The following DMRTA1 variants were observed in gnomAD, a reference collection of about 807,000 sequenced individuals.
DMRTA1 encodes the protein DMRT like family A1, also known as doublesex- and mab-3-related transcription factor A1.
Under a neutral mutation model 35.2 loss-of-function variants are expected in DMRTA1, and 34 were observed. That is an observed-to-expected ratio of 0.97 (90% CI 0.74 to 1.29). The LOEUF is 1.29. Ranked by LOEUF, DMRTA1 falls within the 50% of genes most tolerant of loss-of-function variation. DMRTA1 has a pLI of 0.00. For missense variants in DMRTA1, 824 were observed against 644.6 expected (o/e 1.28, Z -3.01); for synonymous variants, 344 against 276.6 (o/e 1.24, Z -2.42).
intron 1 of DMRTA1, among the ~76,000 whole-genome samples, chr9:22,448,226 C>A (rs1019271735): frequency 2.0e-5 from 3 of 152,160 alleles, no homozygotes. Flanking sequence ...CCTCCCTGCT[C>A]TGGACTGTTT....
chr9:22,447,663 A>C lies in DMRTA1; in HGVS notation c.598A>C (p.Arg200=). Residue 200 remains arginine (R), a synonymous_variant, in exon 1 of 2, where the codon AGA becomes CGA. Coordinates refer to ENST00000325870, the MANE Select transcript of DMRTA1 (RefSeq NM_022160.3). ...AGAALGLGAL[R]QASGSATPAF... ...GGCTGCGCTGGGACTGGGTGCCTTG[A>C]GACAGGCCAGTGGTTCCGCGACCCC... The C allele has an allele frequency of 2.5e-6, 4 of 1,612,324 alleles. No homozygotes were observed. Among genetic ancestry groups the C allele is most frequent in the Admixed American group, 3.3e-5 (2 of 59,996 alleles).
chr9:22,451,125 C>T lies in DMRTA1; in HGVS notation c.729C>T (p.Ser243=). The T allele has an allele frequency of 6.2e-7, 1 of 1,613,908 alleles. No homozygotes were observed. Among genetic ancestry groups the T allele is most frequent in the Non-Finnish European group, 8.5e-7 (1 of 1,179,920 alleles). ...QNGQEELISK[S]HQLYLGSSSR... is the part of the protein sequence containing the mutation. ...GACAAGAAGAACTGATCTCCAAATC[C>T]CATCAGCTTTACCTAGGATCATCTT... Residue 243 remains serine (S), a synonymous_variant, in exon 2 of 2, where the codon TCC becomes TCT. Coordinates refer to ENST00000325870, the MANE Select transcript of DMRTA1 (RefSeq NM_022160.3).
In DMRTA1 at chr9:22,449,114, T is replaced by TC. The variant is rs540994944; in HGVS notation, c.667+1387dup. Reference sequence around the variant, plus strand: ...GTTCTTTGCCTCAGATGATGCCCCCTCCCCCATAAGAAGCAAGCTAATGTT... The same window carrying TC: ...GTTCTTTGCCTCAGATGATGCCCCCTCCCCCCATAAGAAGCAAGCTAATGTT... On this transcript the variant is annotated intron_variant, in intron 1 of 1. Coordinates refer to ENST00000325870, the MANE Select transcript of DMRTA1 (RefSeq NM_022160.3). Among the ~76,000 whole-genome samples the TC allele has an allele frequency of 1.9e-3, 292 of 152,228 alleles. 2 individuals carry two copies. The highest frequency in any genetic ancestry group is 2.7e-3 in the Non-Finnish European group (184 of 68,000).
In DMRTA1 at chr9:22,451,535, A is replaced by G; in HGVS notation, c.1139A>G (p.Glu380Gly). 3 of 1,614,172 alleles carry G rather than the reference A, an allele frequency of 1.9e-6. No homozygotes were observed. Among genetic ancestry groups the G allele is most frequent in the Non-Finnish European group, 2.5e-6 (3 of 1,179,984 alleles). Residue 380 changes from glutamate to glycine, a missense_variant, in exon 2 of 2, where the codon GAA (glutamate) becomes GGA (glycine). Glu to Gly is a moderately conservative substitution (Grantham distance 98, BLOSUM62 -2). Transcript: ENST00000325870. ...GACAACAGGAACCTAGCAAACTCAGAAGAACTGGAAAACACAGCCTTTCAG... is the reference window on the plus strand; with the variant it reads ...GACAACAGGAACCTAGCAAACTCAGGAGAACTGGAAAACACAGCCTTTCAG... ...KPDNRNLANS[E>G]ELENTAFQRA... is the part of the protein sequence containing the mutation.
Position 22,451,251 on chromosome 9 carries a change from A to ATCAGGAG in DMRTA1, c.856_862dup (p.Gly288ValfsTer4). On this transcript the variant is annotated frameshift_variant, in exon 2 of 2. Transcript: ENST00000325870. LOFTEE classifies it high-confidence loss of function. Reference sequence around the variant, plus strand: ...TCCTGTCTCCTCATCCTGGAGAGCAATCAGGAGGTGAAGAGAGTCCCAGGT... The same window carrying ATCAGGAG: ...TCCTGTCTCCTCATCCTGGAGAGCAATCAGGAGTCAGGAGGTGAAGAGAGTCCCAGGT... 1 of 1,614,080 alleles carries ATCAGGAG rather than the reference A, an allele frequency of 6.2e-7. No homozygotes were observed. Among genetic ancestry groups the ATCAGGAG allele is most frequent in the Non-Finnish European group, 8.5e-7 (1 of 1,179,948 alleles).
rs1015081364 is a variant in DMRTA1, at chr9:22,451,267, A to T, written c.871A>T (p.Ser291Cys). 2 of 1,614,084 alleles carry T rather than the reference A, an allele frequency of 1.2e-6. No individual in the cohort carries two copies. Among genetic ancestry groups the T allele is most frequent in the Admixed American group, 1.7e-5 (1 of 60,016 alleles). ...HPGEQSGGEE[S>C]PRSLSSSDLE... ...TGGAGAGCAATCAGGAGGTGAAGAGAGTCCCAGGTCCTTATCATCCTCTGA... is the reference window on the plus strand; with the variant it reads ...TGGAGAGCAATCAGGAGGTGAAGAGTGTCCCAGGTCCTTATCATCCTCTGA... Residue 291 changes from serine to cysteine, a missense_variant, in exon 2 of 2, where the codon AGT (serine) becomes TGT (cysteine). Ser to Cys is a moderately radical substitution (Grantham distance 112, BLOSUM62 -1). Transcript: ENST00000325870.
rs919667142 is a variant in DMRTA1 at position 22,446,965 on chromosome 9, G to A, written c.-101G>A. 28 of 1,457,044 alleles carry A rather than the reference G, an allele frequency of 1.9e-5. No homozygotes were observed. The African/African-American group carries it at 3.4e-4, about 17-fold the overall frequency. 90.3% of individuals were successfully genotyped at this position (1,457,044 alleles called of 1,614,324 possible). On this transcript the variant is annotated 5_prime_UTR_variant, in exon 1 of 2. Transcript: ENST00000325870. The stretch of plus-strand genomic sequence containing the variant: ...TCCGTGCGCGGGTGGAGCTCAGTAG[G>A]ACCACGGCGCGTCCTGCCCCGGCTT...
chr9:22,450,674 T>A (rs1563826104), intron 1 of DMRTA1, among the ~76,000 whole-genome samples: 2 of 152,154 alleles, frequency 1.3e-5, no homozygotes, highest in Non-Finnish European at 2.9e-5. Flanking sequence ...TGAAAAAATA[T>A]CACTTAGATA....
Position 22,446,998 on chromosome 9 carries a change from C to A in DMRTA1, c.-68C>A. 13 of 1,549,930 alleles carry A rather than the reference C, an allele frequency of 8.4e-6. No individual in the cohort carries two copies. The highest frequency in any genetic ancestry group is 1.1e-5 in the Non-Finnish European group (13 of 1,146,810). On this transcript the variant is annotated 5_prime_UTR_variant, in exon 1 of 2. Transcript: ENST00000325870. ...CGCGTCCTGCCCCGGCTTCCCCAGC[C>A]TCCCAGCAGGGTTAGCTGCGGTCAG...
At position 22,451,412 on chromosome 9, in the gene DMRTA1, A is replaced by C. The variant is rs751669342; in HGVS notation, c.1016A>C (p.Asn339Thr). The C allele has an allele frequency of 6.2e-7, 1 of 1,614,028 alleles. No individual in the cohort carries two copies. Among genetic ancestry groups the C allele is most frequent in the African/African-American group, 1.3e-5 (1 of 74,926 alleles). ...GATATCCTTACTAAGATTTTCCCAA[A>C]TTACAGGCGCAGCCGGCTAGAAGGC... The part of the protein sequence containing the change: ...PLDILTKIFP[N>T]YRRSRLEGIL... Residue 339 changes from asparagine (N) to threonine (T), a missense_variant, in exon 2 of 2, where the codon AAT becomes ACT. By Grantham distance (65) the Asn-to-Thr change is moderately conservative. Coordinates refer to ENST00000325870, the MANE Select transcript of DMRTA1 (RefSeq NM_022160.3).
At chr9:22,450,996 T>C in intron 1 of DMRTA1, 68 bp from the exon 2 acceptor site, 1 of 1,466,226 alleles carries the variant, frequency 6.8e-7, no homozygotes, top group South Asian at 1.3e-5. Context: ...GCATTATTTT[T>C]GAGTGAGCAG....
chr9:22,451,744 G>A lies in DMRTA1; in HGVS notation c.1348G>A (p.Gly450Ser). ...TTCTTCTGCAGGAAGAGGGTTATCT[G>A]GTTTTATGTCACCCTACCTAACACC... ...AYSSAGRGLS[G>S]FMSPYLTPGL... Residue 450 changes from glycine (G) to serine (S), a missense_variant, in exon 2 of 2, where the codon GGT (glycine) becomes AGT (serine). Gly to Ser is a moderately conservative substitution (Grantham distance 56). Transcript: ENST00000325870. 1 of 1,614,022 alleles carries A rather than the reference G, an allele frequency of 6.2e-7. No individual in the cohort carries two copies. Among genetic ancestry groups the A allele is most frequent in the Non-Finnish European group, 8.5e-7 (1 of 1,179,918 alleles).
At chr9:22,447,810 C>T in intron 1 of DMRTA1, 78 bp downstream of exon 1, 1 of 1,544,588 alleles carries the variant, frequency 6.5e-7, no homozygotes, top group Non-Finnish European at 8.9e-7. Flanking sequence ...CCACCGTGTC[C>T]ATAGGCGGGC....
Position 22,452,152 on chromosome 9 carries a change from A to G in DMRTA1, c.*241A>G, listed in dbSNP as rs564688248. ...CATTATATGTGCCTTGAATAAAGCT[A>G]TTTCAGGAAATATTTAATGAATTTT... On this transcript the variant is annotated 3_prime_UTR_variant, in exon 2 of 2. Transcript: ENST00000325870. The G allele has an allele frequency of 2.8e-4, 93 of 334,534 alleles. No individual in the cohort carries two copies. The highest frequency in any genetic ancestry group is 4.4e-4 in the Non-Finnish European group (81 of 185,714). 20.7% of individuals were successfully genotyped at this position (334,534 alleles called of 1,614,324 possible). A position where few individuals can be genotyped will look rare whatever the true frequency, so the allele number is the denominator to read the frequency against.
rs141000098 is a variant in DMRTA1, at chr9:22,455,022, C to T, written c.*3111C>T. 3.3e-5 allele frequency: 5 copies of T among 152,190 alleles called. No individual in the cohort carries two copies. The East Asian group carries it at 9.7e-4, about 29-fold the overall frequency. The allele number at this position is 152,190 out of a possible 1,614,324, so 9.4% of individuals were successfully genotyped here. Reference sequence around the variant, plus strand: ...TTCTAAGGCCATGAAAATTAAAACACCCTACCATTATTTATCAATAAAACA... The same window carrying T: ...TTCTAAGGCCATGAAAATTAAAACATCCTACCATTATTTATCAATAAAACA... On this transcript the variant is annotated 3_prime_UTR_variant, in exon 2 of 2. Transcript: ENST00000325870.
chr9:22,447,556 T>C lies in DMRTA1; in HGVS notation c.491T>C (p.Leu164Pro), dbSNP rs1018566203. The C allele has an allele frequency of 5.7e-6, 9 of 1,592,560 alleles. No individual in the cohort carries two copies. The African/African-American group carries it at 6.8e-5, about 12-fold the overall frequency. Residue 164 changes from leucine to proline, a missense_variant, in exon 1 of 2, where the codon CTC becomes CCC. Coordinates refer to ENST00000325870, the MANE Select transcript of DMRTA1 (RefSeq NM_022160.3). Reference protein sequence around the residue: ...RGLQRLLCSGLSWPPGGRASG... With the variant: ...RGLQRLLCSGPSWPPGGRASG... ...CTACAGAGGCTCCTGTGCTCGGGGC[T>C]CTCCTGGCCCCCCGGTGGTCGGGCA...
At chr9:22,450,168 T>C (rs1228637928) in intron 1 of DMRTA1, among the ~76,000 whole-genome samples, 1 of 152,142 alleles carries the variant, frequency 6.6e-6, no homozygotes, top group Non-Finnish European at 1.5e-5. Flanking sequence ...CAGAACTTTG[T>C]GTAAAAGTAC....
At position 22,449,111 on chromosome 9, in the gene DMRTA1, C is replaced by G. The variant is rs569695240; in HGVS notation, c.667+1379C>G. Among the ~76,000 whole-genome samples, 40 of 152,172 alleles carry G rather than the reference C, an allele frequency of 2.6e-4. No individual in the cohort carries two copies. In the South Asian group the frequency reaches 7.7e-3, roughly 29 times the overall value. On this transcript the variant is annotated intron_variant, in intron 1 of 1. Transcript: ENST00000325870. The stretch of plus-strand genomic sequence containing the variant: ...TTTGTTCTTTGCCTCAGATGATGCC[C>G]CCTCCCCCATAAGAAGCAAGCTAAT...
In DMRTA1 at chr9:22,447,526, G is replaced by A; in HGVS notation, c.461G>A (p.Arg154Gln). Reference sequence around the variant, plus strand: ...CAGGCGCAGGAGGAGAGCGAAGCCCGGGGGCTACAGAGGCTCCTGTGCTCG... The same window carrying A: ...CAGGCGCAGGAGGAGAGCGAAGCCCAGGGGCTACAGAGGCTCCTGTGCTCG... The part of the protein sequence containing the change: ...RQQAQEESEA[R>Q]GLQRLLCSGL... Residue 154 changes from arginine (R) to glutamine (Q), a missense_variant, in exon 1 of 2, where the codon CGG becomes CAG. Coordinates refer to ENST00000325870, the MANE Select transcript of DMRTA1 (RefSeq NM_022160.3). 2 of 1,577,822 alleles carry A rather than the reference G, an allele frequency of 1.3e-6. No homozygotes were observed. The highest frequency in any genetic ancestry group is 1.7e-6 in the Non-Finnish European group (2 of 1,162,992).
Sources: gnomAD v4.1 joint callset for allele counts (sites outside exome capture counted in the v4.1 genomes callset) on GRCh38, gnomAD v4.1.1 for gene constraint, MANE v1.5 for transcripts, NCBI Gene and HGNC (gene_info 2026-07-23, HGNC 2026-07-21) for gene names.